Variants in LEF1 observed in about 807,000 individuals in gnomAD.
LEF1 encodes the protein lymphoid enhancer-binding factor 1.
Under a neutral mutation model 51.2 loss-of-function variants are expected in LEF1, and 14 were observed. The observed-to-expected ratio is 0.27, with a 90% CI of 0.18 to 0.43. The LOEUF (loss-of-function observed/expected upper bound fraction) is 0.43, where lower values mean the gene tolerates loss of function less well. Ranked by LOEUF, LEF1 falls within the 20% of genes least tolerant of loss-of-function variation. The pLI is 1.00. For missense variants in LEF1, 386 were observed against 512.0 expected (o/e 0.75, Z 2.37); for synonymous variants, 185 against 183.2 (o/e 1.01, Z -0.08).
intron 3 of LEF1, among the ~76,000 whole-genome samples, chr4:108,133,379 A>G (rs1743031162): frequency 6.6e-6 from 1 of 152,206 alleles, no homozygotes; most frequent in Admixed American, 6.5e-5. Flanking sequence ...AATACAAGTA[A>G]TACATGTTAA....
At chr4:108,139,419 A>G (rs1743504311) in intron 3 of LEF1, among the ~76,000 whole-genome samples, 1 of 152,238 alleles carries the variant, frequency 6.6e-6, no homozygotes. Context: ...CTACATCTAC[A>G]ATGCCAAGCT....
At chr4:108,059,253 C>T (rs57340953) in intron 11 of LEF1, among the ~76,000 whole-genome samples, 8,075 of 152,278 alleles carry the variant, frequency 0.053, 746 homozygotes, top group African/African-American at 0.18. Flanking sequence ...GGGCTGCATG[C>T]GGCCACTGCG....
At chr4:108,123,432 GTTTTTTTTTTTTTTT>G (rs34015287) in intron 3 of LEF1, among the ~76,000 whole-genome samples, 7 of 72,370 alleles carry the variant, frequency 9.7e-5, no homozygotes, top group African/African-American at 3.9e-4. Context: ...GCTAGGGTTG[GTTTTTTTTTTTTTTT>G]TTTTTTTTTT....
At chr4:108,121,605 A>G (rs1742185357) in intron 3 of LEF1, among the ~76,000 whole-genome samples, 1 of 152,226 alleles carries the variant, frequency 6.6e-6, no homozygotes, top group Admixed American at 6.5e-5. Context: ...AACTTGGATA[A>G]CATTTTCTGG....
intron 4 of LEF1, among the ~76,000 whole-genome samples, chr4:108,088,238 TGTAAGTCCCAGAA>T (rs988469260): frequency 6.6e-6 from 1 of 152,216 alleles, no homozygotes; most frequent in Non-Finnish European, 1.5e-5. Flanking sequence ...TGTTGTCCAT[TGTAAGTCCCAGAA>T]AGGGATGGAC....
chr4:108,048,750 A>G lies in LEF1; in HGVS notation c.*8T>C. On this transcript the variant is annotated splice_region_variant and 3_prime_UTR_variant, in exon 12 of 12. Transcript: ENST00000265165. ...ACGTTGGGAATGAGCTTCGTTTTCC[A>G]CCTCAAGAAGGAACAAATGAAATGC... The G allele has an allele frequency of 1.3e-6, 2 of 1,599,554 alleles. No homozygotes were observed. The highest frequency in any genetic ancestry group is 1.7e-6 in the Non-Finnish European group (2 of 1,172,416).
chr4:108,148,039 C>T (rs1455443215), intron 3 of LEF1, among the ~76,000 whole-genome samples: 2 of 152,136 alleles, frequency 1.3e-5, no homozygotes, highest in Admixed American at 6.5e-5. Context: ...GTACAAAAAG[C>T]AAGTGCCTCA....
intron 3 of LEF1, among the ~76,000 whole-genome samples, chr4:108,122,127 T>C (rs930235756): frequency 1.3e-5 from 2 of 152,166 alleles, no homozygotes; most frequent in Non-Finnish European, 2.9e-5. Flanking sequence ...TGTTCAAATC[T>C]TTTATAGCCT....
intron 9 of LEF1, among the ~76,000 whole-genome samples, chr4:108,065,973 G>C (rs1738052389): frequency 6.6e-6 from 1 of 152,096 alleles, no homozygotes; most frequent in Admixed American, 6.6e-5. Flanking sequence ...CGTGATCTTG[G>C]CTTACTGCAA....
At chr4:108,151,731 A>G (rs993953506) in intron 3 of LEF1, among the ~76,000 whole-genome samples, 4 of 152,214 alleles carry the variant, frequency 2.6e-5, no homozygotes, top group African/African-American at 9.7e-5. Flanking sequence ...GCATGTGCTA[A>G]GTACTCAAAA....
Position 108,108,492 on chromosome 4 carries a change from A to G in LEF1, c.415-19235T>C, listed in dbSNP as rs1741316831. Among the ~76,000 whole-genome samples, 4 of 152,282 alleles carry G rather than the reference A, an allele frequency of 2.6e-5. No homozygotes were observed. In the South Asian group the frequency reaches 8.3e-4, roughly 32 times the overall value. On this transcript the variant is annotated intron_variant, in intron 3 of 11. Coordinates refer to ENST00000265165, the MANE Select transcript of LEF1 (RefSeq NM_016269.5). Reference sequence around the variant, plus strand: ...TCCTATCCAACCTAAAGCATGACATAAAGATGCTGTTCTCCTTCTGTATGT... The same window carrying G: ...TCCTATCCAACCTAAAGCATGACATGAAGATGCTGTTCTCCTTCTGTATGT...
intron 3 of LEF1, among the ~76,000 whole-genome samples, chr4:108,100,027 T>C (rs771296464): frequency 6.6e-6 from 1 of 152,102 alleles, no homozygotes; most frequent in Non-Finnish European, 1.5e-5. Context: ...TAGCACATTA[T>C]CTAGGAAGAA....
chr4:108,099,606 A>ATGTG (rs1740668155), intron 3 of LEF1, among the ~76,000 whole-genome samples: 1 of 124,780 alleles, frequency 8.0e-6, no homozygotes, highest in South Asian at 2.5e-4. Context: ...ATATATATAT[A>ATGTG]TATATATATA....
chr4:108,100,923 T>A (rs1360882363), intron 3 of LEF1, among the ~76,000 whole-genome samples: 1 of 152,250 alleles, frequency 6.6e-6, no homozygotes, highest in Non-Finnish European at 1.5e-5. Flanking sequence ...CTATTTCAGA[T>A]GAAAAATTTC....
At chr4:108,148,780 T>A (rs1274477479) in intron 3 of LEF1, among the ~76,000 whole-genome samples, 1 of 152,212 alleles carries the variant, frequency 6.6e-6, no homozygotes, top group Non-Finnish European at 1.5e-5. Flanking sequence ...TTAGGATTAG[T>A]TCAGAAACTC....
At chr4:108,077,754 G>A (rs1245663175) in intron 8 of LEF1, among the ~76,000 whole-genome samples, 1 of 152,088 alleles carries the variant, frequency 6.6e-6, no homozygotes, top group East Asian at 1.9e-4. Context: ...AGTGAGGGGC[G>A]CCTCTGCCCG....
At chr4:108,096,925 A>G (rs902912406) in intron 3 of LEF1, among the ~76,000 whole-genome samples, 2 of 152,220 alleles carry the variant, frequency 1.3e-5, no homozygotes, top group Non-Finnish European at 2.9e-5. Context: ...GTTTTTATCC[A>G]AAGGACAGGT....
chr4:108,124,711 G>C (rs1416515038), intron 3 of LEF1, among the ~76,000 whole-genome samples: 1 of 152,082 alleles, frequency 6.6e-6, no homozygotes, highest in Non-Finnish European at 1.5e-5. Flanking sequence ...GAAAGACAAG[G>C]CTATAAAAAG....
At chr4:108,092,852 T>A (rs753143780) in intron 3 of LEF1, among the ~76,000 whole-genome samples, 5 of 149,000 alleles carry the variant, frequency 3.4e-5, no homozygotes, top group Non-Finnish European at 7.4e-5. Context: ...TCTCGCAGCT[T>A]ACTTTCTGGG....
Sources: allele counts gnomAD v4.1 joint callset (sites outside exome capture counted in the v4.1 genomes callset), GRCh38; gene constraint gnomAD v4.1.1; transcripts MANE v1.5; gene names NCBI Gene and HGNC (gene_info 2026-07-23, HGNC 2026-07-21).